Variants in NEBL observed in about 807,000 individuals in gnomAD.
NEBL encodes the protein LIM and SH3 protein 2.
NEBL carries 122 observed loss-of-function variants against 140.2 expected under a neutral mutation model. That is an observed-to-expected ratio of 0.87 (90% CI 0.75 to 1.01). The LOEUF (loss-of-function observed/expected upper bound fraction) is 1.01, where lower values mean the gene tolerates loss of function less well. Ranked by LOEUF, NEBL falls within the 50% of genes least tolerant of loss-of-function variation. NEBL has a pLI of 0.00. For synonymous variants in NEBL, 436 were observed against 398.9 expected (o/e 1.09, Z -1.11); for missense variants, 1,365 against 1,231.3 (o/e 1.11, Z -1.62).
chr10:21,030,869 C>T, intron 2 of NEBL: 1 of 302,864 alleles, frequency 3.3e-6, no homozygotes, highest in Non-Finnish European at 6.5e-6. Flanking sequence ...CCACTTAACA[C>T]CTGTACATCA....
rs141907640 is a variant in NEBL at position 20,838,437 on chromosome 10, G to C, written c.1338+2302C>G. Among the ~76,000 whole-genome samples the C allele has an allele frequency of 1.3e-3, 195 of 152,276 alleles. 3 individuals carry two copies. In the East Asian group the frequency reaches 0.032, roughly 25 times the overall value. ...GCCATCTCATAATCAAACTTGAATG[G>C]ATAAGGAGTTGCTTCCAATGGACAA... is the stretch of plus-strand genomic sequence containing the variant. On this transcript the variant is annotated intron_variant, in intron 13 of 27. Transcript: ENST00000377122.
At chr10:21,259,468 C>T (rs937514664) in intron 1 of NEBL, among the ~76,000 whole-genome samples, 1 of 152,130 alleles carries the variant, frequency 6.6e-6, no homozygotes, top group African/African-American at 2.4e-5. Flanking sequence ...GATGTTACTT[C>T]ACCTTCTGTT....
At chr10:21,030,571 G>C in intron 2 of NEBL, 2 of 691,252 alleles carry the variant, frequency 2.9e-6, no homozygotes, top group Admixed American at 1.9e-5. Flanking sequence ...CACACAGCAC[G>C]AATACCCTAC....
At chr10:20,809,692 A>T in intron 25 of NEBL, 114 bp downstream of exon 25, 1 of 918,998 alleles carries the variant, frequency 1.1e-6, no homozygotes. Flanking sequence ...TTGGTTTGCC[A>T]AATTCTCAGC....
At chr10:20,838,144 A>C (rs1283102620) in intron 13 of NEBL, among the ~76,000 whole-genome samples, 2 of 152,216 alleles carry the variant, frequency 1.3e-5, no homozygotes, top group African/African-American at 4.8e-5. Flanking sequence ...CCTGTCATAG[A>C]TGGTGATTCC....
At chr10:21,072,531 T>G (rs766251149) in intron 2 of NEBL, among the ~76,000 whole-genome samples, 8 of 152,302 alleles carry the variant, frequency 5.3e-5, no homozygotes, top group Non-Finnish European at 1.2e-4. Context: ...GCATAGTGTA[T>G]AGAGGTCATA....
At chr10:21,113,815 CA>C (rs1446985013) in intron 2 of NEBL, among the ~76,000 whole-genome samples, 1 of 152,052 alleles carries the variant, frequency 6.6e-6, no homozygotes, top group Non-Finnish European at 1.5e-5. Context: ...CAAAAATATA[CA>C]TGTAAAATAA....
intron 2 of NEBL, chr10:21,172,133 G>A: frequency 1.9e-6 from 1 of 521,102 alleles, no homozygotes. Context: ...TGTCCCTAAG[G>A]CTGTAACACT....
chr10:21,176,433 A>T (rs1161244404), upstream of NEBL, among the ~76,000 whole-genome samples: 4 of 152,174 alleles, frequency 2.6e-5, no homozygotes, highest in Non-Finnish European at 5.9e-5. Context: ...ACATGCTCAG[A>T]GTTACATTTT....
chr10:20,952,045 A>T lies in NEBL; in HGVS notation c.357+9627T>A, dbSNP rs563701857. Among the ~76,000 whole-genome samples the T allele has an allele frequency of 3.9e-5, 6 of 152,272 alleles. No homozygotes were observed. The East Asian group carries it at 1.2e-3, about 29-fold the overall frequency. ...TTCTGAACTACATAATTCAACCAAG[A>T]TCTGGAAAACTTAAAAACTTCACTA... On this transcript the variant is annotated intron_variant, in intron 4 of 6. Coordinates refer to the NEBL transcript ENST00000417816.
intron 26 of NEBL, chr10:20,804,514 C>T (rs952493944): frequency 6.6e-6 from 1 of 152,178 alleles, no homozygotes; most frequent in Admixed American, 6.5e-5. Flanking sequence ...AAGCACCGTT[C>T]CACTTAAGAG....
At chr10:21,178,627 G>C (rs60564663), upstream of NEBL, among the ~76,000 whole-genome samples, 138 of 152,298 alleles carry the variant, frequency 9.1e-4, no homozygotes, top group African/African-American at 3.2e-3. Context: ...TTCTGCTTTG[G>C]CATACATGCT....
At chr10:21,160,639 T>A (rs1271654056) in intron 2 of NEBL, among the ~76,000 whole-genome samples, 2 of 36,694 alleles carry the variant, frequency 5.5e-5, no homozygotes, top group African/African-American at 1.1e-4. Context: ...GGAGAGATAG[T>A]GGGGTTGGGG....
intron 3 of NEBL, among the ~76,000 whole-genome samples, chr10:21,210,266 C>T (rs185113843): frequency 1.4e-4 from 21 of 152,132 alleles, no homozygotes; most frequent in Non-Finnish European, 1.2e-4. Context: ...TGGTGGCAGG[C>T]GCCTGTAATC....
At chr10:21,003,932 T>G (rs554979009) in intron 3 of NEBL, among the ~76,000 whole-genome samples, 1 of 152,310 alleles carries the variant, frequency 6.6e-6, no homozygotes, top group African/African-American at 2.4e-5. Flanking sequence ...TATGGAACTT[T>G]ATAAACAAAC....
chr10:20,977,203 C>T (rs183676912), intron 3 of NEBL, among the ~76,000 whole-genome samples: 4 of 152,272 alleles, frequency 2.6e-5, no homozygotes, highest in Admixed American at 1.3e-4. Context: ...AGCCGGAAGT[C>T]AGCACGTCAC....
intron 3 of NEBL, among the ~76,000 whole-genome samples, chr10:21,002,741 G>A (rs139015833): frequency 2.0e-4 from 31 of 152,154 alleles, no homozygotes; most frequent in East Asian, 9.7e-4. Context: ...ACCAGATCTC[G>A]GGAGAACTCA....
At chr10:20,971,580 A>G (rs1589092611) in intron 3 of NEBL, among the ~76,000 whole-genome samples, 1 of 138,266 alleles carries the variant, frequency 7.2e-6, no homozygotes, top group Non-Finnish European at 1.6e-5. Context: ...ATATCTCCCA[A>G]TGCTATCCCT....
chr10:21,253,262 A>G (rs1842610005), intron 1 of NEBL, among the ~76,000 whole-genome samples: 1 of 151,970 alleles, frequency 6.6e-6, no homozygotes, highest in East Asian at 1.9e-4. Context: ...CAAGAATGAA[A>G]CTCTGTCTCA....
Sources: allele counts gnomAD v4.1 joint callset (sites outside exome capture counted in the v4.1 genomes callset), GRCh38; gene constraint gnomAD v4.1.1; transcripts MANE v1.5; gene names NCBI Gene and HGNC (gene_info 2026-07-23, HGNC 2026-07-21).